The following PCDHGA3 variants were observed in gnomAD, a reference collection of about 807,000 sequenced individuals.
The protein encoded by PCDHGA3 is protocadherin gamma subfamily A, 3.
A neutral mutation model predicts 58.5 loss-of-function variants in PCDHGA3; 40 were observed. The ratio of observed to expected loss-of-function variants is 0.68; its 90% CI spans 0.53 to 0.89. The LOEUF (loss-of-function observed/expected upper bound fraction) is 0.89, where lower values mean the gene tolerates loss of function less well. Ranked by LOEUF, PCDHGA3 falls within the 40% of genes least tolerant of loss-of-function variation. The pLI, the probability that PCDHGA3 is intolerant of heterozygous loss-of-function variation, is 0.00. For missense variants in PCDHGA3, 1,223 were observed against 1,195.9 expected, an observed-to-expected ratio of 1.02 and a Z score of -0.33; for synonymous variants, 530 against 525.7, an observed-to-expected ratio of 1.01 and a Z score of -0.11.
chr5:141,355,345 G>T, intron 1 of PCDHGA3: 1 of 1,614,020 alleles, frequency 6.2e-7, no homozygotes, highest in Non-Finnish European at 8.5e-7. Context: ...GGGCAACATC[G>T]CCAAGGACCT....
At chr5:141,430,877 G>A (rs1392342627) in intron 1 of PCDHGA3, 5 of 1,600,678 alleles carry the variant, frequency 3.1e-6, no homozygotes, top group African/African-American at 2.7e-5. Context: ...GGAAGAGCTG[G>A]AGAAAGGCTC....
At chr5:141,389,062 T>G (rs991150761) in intron 1 of PCDHGA3, 1 of 1,613,856 alleles carries the variant, frequency 6.2e-7, no homozygotes, top group African/African-American at 1.3e-5. Context: ...TTTAAAATAT[T>G]AACTTCTTCA....
chr5:141,370,451 C>A, intron 1 of PCDHGA3: 1 of 1,611,138 alleles, frequency 6.2e-7, no homozygotes, highest in Non-Finnish European at 8.5e-7. Flanking sequence ...TGCTATTTCT[C>A]TTCCTGCTCT....
chr5:141,473,887 C>T (rs887871337), intron 1 of PCDHGA3, among the ~76,000 whole-genome samples: 3 of 152,144 alleles, frequency 2.0e-5, no homozygotes, highest in Non-Finnish European at 2.9e-5. Context: ...CACAAGGGTT[C>T]TGTTGGTTCA....
rs11410533 is a variant in PCDHGA3, at chr5:141,429,387, TA to T, written c.2425-65412del. ...AAATGGAGAAAATGTGTTTTTTTTT[TA>T]AAAAAAATTGAGATTAAGGTCTCAT... On this transcript the variant is annotated intron_variant, in intron 1 of 3. Transcript: ENST00000253812. Among the ~76,000 whole-genome samples, 10 of 151,446 alleles carry T rather than the reference TA, an allele frequency of 6.6e-5. No individual in the cohort carries two copies. In the South Asian group the frequency reaches 1.0e-3, roughly 16 times the overall value.
intron 1 of PCDHGA3, chr5:141,355,155 G>A (rs766569835): frequency 1.3e-6 from 2 of 1,552,396 alleles, no homozygotes; most frequent in Non-Finnish European, 1.7e-6. Flanking sequence ...CTCAGGCCTC[G>A]ACAGAGGGAA....
intron 1 of PCDHGA3, chr5:141,375,397 C>T: frequency 6.2e-7 from 1 of 1,614,010 alleles, no homozygotes; most frequent in Non-Finnish European, 8.5e-7. Flanking sequence ...AAACAATCAT[C>T]TCTCTAAATG....
chr5:141,420,199 C>T (rs764130526), intron 1 of PCDHGA3: 12 of 1,613,362 alleles, frequency 7.4e-6, no homozygotes, highest in Non-Finnish European at 1.0e-5. Context: ...CACAAGATAA[C>T]CTCAACAAAG....
In PCDHGA3 at chr5:141,431,149, G is replaced by A. The variant is rs150692324; in HGVS notation, c.2425-63658G>A. Reference sequence around the variant, plus strand: ...AAGTAAGGGACATTAACGACAATGCGCCTTACTTTCGTGAAAGTGAATTAG... The same window carrying A: ...AAGTAAGGGACATTAACGACAATGCACCTTACTTTCGTGAAAGTGAATTAG... On this transcript the variant is annotated intron_variant, in intron 1 of 3. Coordinates refer to ENST00000253812, the MANE Select transcript of PCDHGA3 (RefSeq NM_018916.4). This position sits in a 1 kb window ranked among gnomAD's most constrained non-coding sequence, Gnocchi z 4.8. The A allele has an allele frequency of 3.7e-4, 605 of 1,614,210 alleles. No individual in the cohort carries two copies. Among genetic ancestry groups the A allele is most frequent in the Non-Finnish European group, 4.7e-4 (552 of 1,180,020 alleles).
At chr5:141,388,351 C>T (rs1245529264) in intron 1 of PCDHGA3, 1 of 1,613,898 alleles carries the variant, frequency 6.2e-7, no homozygotes, top group African/African-American at 1.3e-5. Context: ...ATATTAGGAT[C>T]TGCCCATGAT....
At chr5:141,347,177 T>TTCTTTCTC (rs1554073424) in intron 1 of PCDHGA3, among the ~76,000 whole-genome samples, 5 of 147,132 alleles carry the variant, frequency 3.4e-5, no homozygotes, top group African/African-American at 1.0e-4. Context: ...CTTTCTTTCT[T>TTCTTTCTC]TCTTGACAGG....
chr5:141,353,252 T>C (rs1274889420), intron 1 of PCDHGA3, among the ~76,000 whole-genome samples: 1 of 152,210 alleles, frequency 6.6e-6, no homozygotes, highest in African/African-American at 2.4e-5. Context: ...CTTTTCTTAG[T>C]TGATATGCAA....
chr5:141,454,546 A>G (rs1342532359), intron 1 of PCDHGA3, among the ~76,000 whole-genome samples: 1 of 152,098 alleles, frequency 6.6e-6, no homozygotes, highest in African/African-American at 2.4e-5. Flanking sequence ...AGCTGAGATT[A>G]CAGGCATGTG....
chr5:141,489,579 C>G lies in PCDHGA3; in HGVS notation c.2425-5228C>G, dbSNP rs112808093. 3.7e-6 allele frequency: 6 copies of G among 1,613,922 alleles called. No individual in the cohort carries two copies. The Admixed American group carries it at 5.0e-5, about 13-fold the overall frequency. On this transcript the variant is annotated intron_variant, in intron 1 of 3. Transcript: ENST00000253812. This position sits in a 1 kb window ranked among gnomAD's most constrained non-coding sequence, Gnocchi z 4.5. ...CAGTGCAGGTGGTGACTGAACACCC[C>G]CTGGAGCTAATCCGTGTAGAGGTAG... is the stretch of plus-strand genomic sequence containing the variant.
At chr5:141,451,179 T>C (rs1039062167) in intron 1 of PCDHGA3, among the ~76,000 whole-genome samples, 6 of 152,162 alleles carry the variant, frequency 3.9e-5, no homozygotes, top group Non-Finnish European at 8.8e-5. Flanking sequence ...TATTTAGCCA[T>C]TGCTGTGTAA....
intron 1 of PCDHGA3, among the ~76,000 whole-genome samples, chr5:141,464,803 G>A (rs933573443): frequency 1.5e-4 from 23 of 152,092 alleles, no homozygotes; most frequent in African/African-American, 5.1e-4. Context: ...CAGTGATGCA[G>A]TCATAGCTCA....
In PCDHGA3 at chr5:141,494,860, C is replaced by T. The variant is rs372794752; in HGVS notation, c.2478C>T (p.Thr826=). Residue 826 remains threonine, a synonymous_variant, in exon 2 of 4, where the codon ACC becomes ACT. Coordinates refer to ENST00000253812, the MANE Select transcript of PCDHGA3 (RefSeq NM_018916.4). ...TCTCTCAGGCCCAGAGACCCGGCAC[C>T]AGCGGGTAGGTGACTGATTCTCCAG... ...WRFSQAQRPG[T]SGSQNGDDTG... 5.6e-6 allele frequency: 9 copies of T among 1,614,032 alleles called. No homozygotes were observed. Among genetic ancestry groups the T allele is most frequent in the Non-Finnish European group, 7.6e-6 (9 of 1,180,024 alleles).
intron 1 of PCDHGA3, chr5:141,351,133 T>A (rs1758653044): frequency 6.2e-7 from 1 of 1,613,884 alleles, no homozygotes; most frequent in Non-Finnish European, 8.5e-7. Context: ...TCAATCTCAA[T>A]CCAAATACTG....
chr5:141,383,453 G>C lies in PCDHGA3; in HGVS notation c.2424+36996G>C, dbSNP rs116033027. 4.2e-4 allele frequency: 670 copies of C among 1,613,934 alleles called. 4 individuals are homozygous for C. The African/African-American group carries it at 7.6e-3, about 18-fold the overall frequency. The stretch of plus-strand genomic sequence containing the variant: ...CACTTCTCCCTGGCTGTGCAAAGTG[G>C]AGACGATGAAACTAAGTACCCGGAA... On this transcript the variant is annotated intron_variant, in intron 1 of 3. Coordinates refer to ENST00000253812, the MANE Select transcript of PCDHGA3 (RefSeq NM_018916.4).
Sources: allele counts gnomAD v4.1 joint callset (sites outside exome capture counted in the v4.1 genomes callset), GRCh38; gene constraint gnomAD v4.1.1; non-coding constraint Gnocchi (gnomAD v3.1); transcripts MANE v1.5; gene names NCBI Gene and HGNC (gene_info 2026-07-23, HGNC 2026-07-21).